Variants in TWIST1 observed in about 807,000 individuals in gnomAD.
TWIST1 encodes twist family bHLH transcription factor 1.
In TWIST1, 8 loss-of-function variants were observed where a neutral mutation model predicts 12.9. The observed-to-expected ratio is 0.62, with a 90% CI of 0.37 to 1.12. The LOEUF (loss-of-function observed/expected upper bound fraction) is 1.12, where lower values mean the gene tolerates loss of function less well. Ranked by LOEUF, TWIST1 falls within the 50% of genes most tolerant of loss-of-function variation. The pLI is 0.02. For synonymous variants in TWIST1, 169 were observed against 138.7 expected, an observed-to-expected ratio of 1.22 and a Z score of -1.54; for missense variants, 268 against 299.7, an observed-to-expected ratio of 0.89 and a Z score of 0.78.
Position 19,117,491 on chromosome 7 carries a change from A to T in TWIST1, c.-170T>A. 8.7e-7 allele frequency: 1 copy of T among 1,154,074 alleles called. No homozygotes were observed. The highest frequency in any genetic ancestry group is 1.1e-6 in the Non-Finnish European group (1 of 930,656). 71.5% of individuals were successfully genotyped at this position (1,154,074 alleles called of 1,614,324 possible). On this transcript the variant is annotated 5_prime_UTR_variant, in exon 1 of 2. Coordinates refer to ENST00000242261, the MANE Select transcript of TWIST1 (RefSeq NM_000474.4). ...CCTCCGCGGGGAGGGCGCGCGGGGGAGGCGGGGAGGGAGGCGGGAGGGGGA... is the reference window on the plus strand; with the variant it reads ...CCTCCGCGGGGAGGGCGCGCGGGGGTGGCGGGGAGGGAGGCGGGAGGGGGA...
In TWIST1 at chr7:19,117,060, C is replaced by G; in HGVS notation, c.262G>C (p.Gly88Arg). ...SAGCGGGGGAGGGGGSSSGGG... is the reference protein window; with the variant it reads ...SAGCGGGGGARGGGGSSSGGG... ...CCGCTGCTGCTGCCGCCGCCGCCGC[C>G]CGCGCCGCCGCCGCCGCCACAGCCC... Residue 88 changes from glycine (G) to arginine (R), a missense_variant, in exon 1 of 2, where the codon GGC becomes CGC. Physicochemically the swap from Gly to Arg is moderately radical, Grantham distance 125. Transcript: ENST00000242261. 7.1e-7 allele frequency: 1 copy of G among 1,405,808 alleles called. No homozygotes were observed. The highest frequency in any genetic ancestry group is 9.2e-7 in the Non-Finnish European group (1 of 1,090,192). 87.1% of individuals were successfully genotyped at this position (1,405,808 alleles called of 1,614,324 possible). A position where few individuals can be genotyped will look rare whatever the true frequency, so the allele number is the denominator to read the frequency against.
At position 19,117,323 on chromosome 7, in the gene TWIST1, T is replaced by C; in HGVS notation, c.-2A>G. The C allele has an allele frequency of 6.8e-7, 1 of 1,462,232 alleles. No homozygotes were observed. The highest frequency in any genetic ancestry group is 2.3e-5 in the Admixed American group (1 of 43,444). 90.6% of individuals were successfully genotyped at this position (1,462,232 alleles called of 1,614,324 possible). A position where few individuals can be genotyped will look rare whatever the true frequency, so the allele number is the denominator to read the frequency against. On this transcript the variant is annotated 5_prime_UTR_variant, in exon 1 of 2. Coordinates refer to ENST00000242261, the MANE Select transcript of TWIST1 (RefSeq NM_000474.4). ...CGAGCTGGACACGTCCTGCATCATC[T>C]CTCGAGCGGCGACGCGTGGCCTCGC...
chr7:19,113,605 T>A (rs1473105491), downstream of TWIST1: 1 of 152,220 alleles, frequency 6.6e-6, no homozygotes, highest in Non-Finnish European at 1.5e-5. Context: ...AGTTAATATT[T>A]TTCATTGTGC....
chr7:19,113,717 T>C (rs1192890915), downstream of TWIST1: 1 of 152,178 alleles, frequency 6.6e-6, no homozygotes, highest in East Asian at 1.9e-4. Flanking sequence ...AATATTACTA[T>C]AAATATGGCA....
In TWIST1 at chr7:19,115,690, C is replaced by T. The variant is rs945579830; in HGVS notation, c.*484G>A. 6.6e-6 allele frequency: 1 copy of T among 151,876 alleles called. No individual in the cohort carries two copies. The highest frequency in any genetic ancestry group is 2.4e-5 in the African/African-American group (1 of 41,302). 9.4% of individuals were successfully genotyped at this position (151,876 alleles called of 1,614,324 possible). The stretch of plus-strand genomic sequence containing the variant: ...AATTAACTGACTATGGTTTTGCAGG[C>T]CAGTTTGATCCCAGTATTTTTATTT... On this transcript the variant is annotated 3_prime_UTR_variant, in exon 2 of 2. Coordinates refer to ENST00000242261, the MANE Select transcript of TWIST1 (RefSeq NM_000474.4).
Position 19,117,385 on chromosome 7 carries a change from C to T in TWIST1, c.-64G>A, listed in dbSNP as rs1244732470. ...AGAGGAGAAGAGCGGGGCGCCTCAGCCCGCCAGCTTCCCCCGCGCGCGGCG... is the reference window on the plus strand; with the variant it reads ...AGAGGAGAAGAGCGGGGCGCCTCAGTCCGCCAGCTTCCCCCGCGCGCGGCG... On this transcript the variant is annotated 5_prime_UTR_variant, in exon 1 of 2. Coordinates refer to ENST00000242261, the MANE Select transcript of TWIST1 (RefSeq NM_000474.4). 1.5e-6 allele frequency: 2 copies of T among 1,340,592 alleles called. No individual in the cohort carries two copies. Among genetic ancestry groups the T allele is most frequent in the South Asian group, 1.6e-5 (1 of 62,024 alleles). The allele number at this position is 1,340,592 out of a possible 1,614,324, so 83.0% of individuals were successfully genotyped here. A position where few individuals can be genotyped will look rare whatever the true frequency, so the allele number is the denominator to read the frequency against.
Position 19,116,911 on chromosome 7 carries a change from C to G in TWIST1, c.411G>C (p.Thr137=). 6.2e-7 allele frequency: 1 copy of G among 1,614,086 alleles called. No individual in the cohort carries two copies. The highest frequency in any genetic ancestry group is 8.5e-7 in the Non-Finnish European group (1 of 1,179,980). ...TCTTGCTCAGCTTGTCCGAGGGCAG[C>G]GTGGGGATGATCTTCCGCAGCGCGG... The part of the protein sequence containing the change: ...AFAALRKIIP[T]LPSDKLSKIQ... Residue 137 remains threonine, a synonymous_variant, in exon 1 of 2, where the codon ACG becomes ACC. Transcript: ENST00000242261.
Position 19,117,231 on chromosome 7 carries a change from T to C in TWIST1, c.91A>G (p.Ser31Gly). Residue 31 changes from serine (S) to glycine (G), a missense_variant, in exon 1 of 2, where the codon AGC becomes GGC. Ser to Gly is a moderately conservative substitution (Grantham distance 56). Coordinates refer to ENST00000242261, the MANE Select transcript of TWIST1 (RefSeq NM_000474.4). ...EEEPDRQQPP[S>G]GKRGGRKRRS... ...CGCTTGCGTCCCCCGCGCTTGCCGC[T>C]CGGCGGCTGCTGCCGGTCTGGCTCT... 7.1e-7 allele frequency: 1 copy of C among 1,417,466 alleles called. No homozygotes were observed. The allele number at this position is 1,417,466 out of a possible 1,614,324, so 87.8% of individuals were successfully genotyped here.
chr7:19,116,843 T>C lies in TWIST1; in HGVS notation c.479A>G (p.Tyr160Cys). 1 of 1,614,066 alleles carries C rather than the reference T, an allele frequency of 6.2e-7. No homozygotes were observed. The highest frequency in any genetic ancestry group is 8.5e-7 in the Non-Finnish European group (1 of 1,179,988). ...CAGCTCGTCGCTCTGGAGGACCTGG[T>C]AGAGGAAGTCGATGTACCTGGCCGC... ...KLAARYIDFL[Y>C]QVLQSDELDS... The change falls in exon 1 of 2, where the codon TAC becomes TGC. Residue 160 changes from tyrosine (Y) to cysteine (C), a missense_variant. Around this residue, in one of 2 missense-constraint regions of TWIST1, gnomAD observed 79 missense variants for 127.6 expected, o/e 0.62. Transcript: ENST00000242261.
At chr7:19,113,305 C>T (rs532869929), downstream of TWIST1, 94 of 152,272 alleles carry the variant, frequency 6.2e-4, no homozygotes, top group African/African-American at 2.0e-3. Context: ...ACAATACTTT[C>T]CCCTAGCAAA....
chr7:19,116,275 G>C (rs746505972), intron 1 of TWIST1, 144 bp from the exon 2 acceptor site: 2 of 173,522 alleles, frequency 1.2e-5, no homozygotes, highest in Non-Finnish European at 2.5e-5. Context: ...CCAAGGGCAA[G>C]AGGAAGTGGG....
At chr7:19,115,259 C>G (rs1277747526), downstream of TWIST1, among the ~76,000 whole-genome samples, 1 of 152,218 alleles carries the variant, frequency 6.6e-6, no homozygotes, top group African/African-American at 2.4e-5. Flanking sequence ...AGAGATGCTA[C>G]TAAGCCCTCT....
In TWIST1 at chr7:19,117,426, CG is replaced by C; in HGVS notation, c.-106del. 1 of 1,198,042 alleles carries C rather than the reference CG, an allele frequency of 8.3e-7. No homozygotes were observed. Among genetic ancestry groups the C allele is most frequent in the Non-Finnish European group, 1.0e-6 (1 of 962,594 alleles). 74.2% of individuals were successfully genotyped at this position (1,198,042 alleles called of 1,614,324 possible). A position where few individuals can be genotyped will look rare whatever the true frequency, so the allele number is the denominator to read the frequency against. On this transcript the variant is annotated 5_prime_UTR_variant, in exon 1 of 2. Transcript: ENST00000242261. ...GCGCGCGGCGCCGGCCCGGGCGATG[CG>C]GCCCGCGGAGGAGAGAGCAGGAGGA...
At chr7:19,113,234 T>A (rs1788505371), downstream of TWIST1, 1 of 152,164 alleles carries the variant, frequency 6.6e-6, no homozygotes, top group East Asian at 1.9e-4. Context: ...TAAATAAAAG[T>A]AATCAATAGC....
In TWIST1 at chr7:19,117,458, G is replaced by C. The variant is rs552394454; in HGVS notation, c.-137C>G. The C allele has an allele frequency of 7.0e-4, 835 of 1,188,802 alleles. 2 individuals are homozygous for C. The African/African-American group carries it at 0.01, about 15-fold the overall frequency. 73.6% of individuals were successfully genotyped at this position (1,188,802 alleles called of 1,614,324 possible). A position where few individuals can be genotyped will look rare whatever the true frequency, so the allele number is the denominator to read the frequency against. ...CGGAGGAGAGAGCAGGAGGACGGAC[G>C]GGAGGGACCTCCGCGGGGAGGGCGC... On this transcript the variant is annotated 5_prime_UTR_variant, in exon 1 of 2. Coordinates refer to ENST00000242261, the MANE Select transcript of TWIST1 (RefSeq NM_000474.4).
Position 19,116,736 on chromosome 7 carries a change from A to G in TWIST1, c.586T>C (p.Trp196Arg). The change falls in exon 1 of 2, where the codon TGG becomes CGG. Residue 196 changes from tryptophan (W) to arginine (R), a missense_variant. This residue lies in a region of TWIST1 where 79 missense variants were observed against 127.6 expected (regional missense o/e 0.62). Coordinates refer to ENST00000242261, the MANE Select transcript of TWIST1 (RefSeq NM_000474.4). ...AFSVWRMEGA[W>R]SMSASH ...TGCTAGTGGGACGCGGACATGGACC[A>G]GGCCCCCTCCATCCTCCAGACCGAG... The G allele has an allele frequency of 1.2e-6, 2 of 1,610,968 alleles. No individual in the cohort carries two copies. The highest frequency in any genetic ancestry group is 1.7e-6 in the Non-Finnish European group (2 of 1,178,792).
At chr7:19,113,741 A>G (rs550177245), downstream of TWIST1, 3 of 152,202 alleles carry the variant, frequency 2.0e-5, no homozygotes, top group African/African-American at 7.2e-5. Context: ...GCTTTTCTCC[A>G]AAGTGTTTCC....
Position 19,117,346 on chromosome 7 carries a change from C to G in TWIST1, c.-25G>C. 2 of 1,441,174 alleles carry G rather than the reference C, an allele frequency of 1.4e-6. No homozygotes were observed. Among genetic ancestry groups the G allele is most frequent in the Non-Finnish European group, 9.1e-7 (1 of 1,096,408 alleles). 89.3% of individuals were successfully genotyped at this position (1,441,174 alleles called of 1,614,324 possible). ...TCTCTCGAGCGGCGACGCGTGGCCTCGCGGGCCCGGGGCAGAGGAGAAGAG... is the reference window on the plus strand; with the variant it reads ...TCTCTCGAGCGGCGACGCGTGGCCTGGCGGGCCCGGGGCAGAGGAGAAGAG... On this transcript the variant is annotated 5_prime_UTR_variant, in exon 1 of 2. Coordinates refer to ENST00000242261, the MANE Select transcript of TWIST1 (RefSeq NM_000474.4).
chr7:19,116,790 C>T lies in TWIST1; in HGVS notation c.532G>A (p.Val178Met), dbSNP rs1788577641. 1.2e-6 allele frequency: 2 copies of T among 1,613,966 alleles called. No individual in the cohort carries two copies. The highest frequency in any genetic ancestry group is 1.7e-6 in the Non-Finnish European group (2 of 1,179,988). The change falls in exon 1 of 2, where the codon GTG (valine) becomes ATG (methionine). Residue 178 changes from valine to methionine, a missense_variant. Physicochemically the swap from Val to Met is conservative, Grantham distance 21. Coordinates refer to ENST00000242261, the MANE Select transcript of TWIST1 (RefSeq NM_000474.4). ...GCGTAGCTGAGCCGCTCGTGAGCCACATAGCTGCAGCTTGCCATCTTGGAG... is the reference window on the plus strand; with the variant it reads ...GCGTAGCTGAGCCGCTCGTGAGCCATATAGCTGCAGCTTGCCATCTTGGAG... ...LDSKMASCSY[V>M]AHERLSYAFS...
Sources: gnomAD v4.1 joint callset for allele counts (sites outside exome capture counted in the v4.1 genomes callset) on GRCh38, gnomAD v4.1.1 for gene constraint, gnomAD v4.1.1 regional missense constraint, MANE v1.5 for transcripts, NCBI Gene and HGNC (gene_info 2026-07-23, HGNC 2026-07-21) for gene names.